The following DMBT1 variants were observed in gnomAD, a reference collection of about 807,000 sequenced individuals.
DMBT1 encodes deleted in malignant brain tumors 1, also known as scavenger receptor cysteine-rich domain-containing protein DMBT1.
In DMBT1, 198 loss-of-function variants were observed where a neutral mutation model predicts 252.9. The observed-to-expected ratio is 0.78, with a 90% CI of 0.70 to 0.88. The LOEUF (loss-of-function observed/expected upper bound fraction) is 0.88, where lower values mean the gene tolerates loss of function less well. Ranked by LOEUF, DMBT1 falls within the 40% of genes least tolerant of loss-of-function variation. The pLI is 0.00. For missense variants in DMBT1, 2,432 were observed against 2,404.7 expected (o/e 1.01, Z -0.24); for synonymous variants, 990 against 942.7 (o/e 1.05, Z -0.92).
chr10:122,563,391 T>C (rs529044639), intron 1 of DMBT1, among the ~76,000 whole-genome samples: 2 of 152,188 alleles, frequency 1.3e-5, no homozygotes, highest in Non-Finnish European at 1.5e-5. Flanking sequence ...CTAAAAGTAA[T>C]GTGAGCTCTT....
rs188569491 is a variant in DMBT1, at chr10:122,584,647, C to G, written c.1420+296C>G. The stretch of plus-strand genomic sequence containing the variant: ...ATATTTAAATAGCTTTGACCCTTTT[C>G]TATTCAGAGCTGATATGACCTTCCT... On this transcript the variant is annotated intron_variant, in intron 14 of 55. Transcript: ENST00000338354. 5.4e-5 allele frequency among the ~76,000 whole-genome samples: 8 copies of G among 149,168 alleles called. 1 individual carries two copies. In the East Asian group the frequency reaches 1.7e-3, roughly 31 times the overall value.
chr10:122,600,158 T>C (rs1441852262), intron 27 of DMBT1, 65 bp downstream of exon 27: 15 of 1,558,268 alleles, frequency 9.6e-6, no homozygotes, highest in Non-Finnish European at 1.3e-5. Context: ...CCTTCCACAC[T>C]CCACAGAGCT....
Position 122,592,635 on chromosome 10 carries a change from A to T in DMBT1, c.2500+40A>T, listed in dbSNP as rs768555410. ...CCTTGGGCTCCCTCTCCTAGACTGG[A>T]GTTTGCTCAGGAAGAAAATCCTAAT... On this transcript the variant is annotated intron_variant, in intron 20 of 55. Coordinates refer to ENST00000338354, the MANE Select transcript of DMBT1 (RefSeq NM_001377530.1). 5 of 1,585,940 alleles carry T rather than the reference A, an allele frequency of 3.2e-6. 1 individual carries two copies. The South Asian group carries it at 5.8e-5, about 18-fold the overall frequency.
intron 14 of DMBT1, among the ~76,000 whole-genome samples, chr10:122,584,786 T>C (rs7077395): frequency 0.031 from 4,673 of 148,978 alleles, 401 homozygotes; most frequent in East Asian, 0.14. Flanking sequence ...CCTCCCTTCC[T>C]CACTCCTTCC....
At chr10:122,627,618 G>A (rs1367172309) in intron 46 of DMBT1, among the ~76,000 whole-genome samples, 2 of 152,142 alleles carry the variant, frequency 1.3e-5, no homozygotes, top group Non-Finnish European at 2.9e-5. Flanking sequence ...ATATACAATA[G>A]CATATTTTAT....
chr10:122,624,043 C>T (rs1333253912), intron 44 of DMBT1, among the ~76,000 whole-genome samples: 1 of 152,164 alleles, frequency 6.6e-6, no homozygotes. Flanking sequence ...AGGAATAAGC[C>T]TCGGGCCTGA....
At chr10:122,566,384 T>C (rs1471641690) in intron 2 of DMBT1, among the ~76,000 whole-genome samples, 1 of 151,324 alleles carries the variant, frequency 6.6e-6, no homozygotes, top group Admixed American at 6.6e-5. Flanking sequence ...CAATCTCAGC[T>C]CACTGCAACC....
At position 122,598,031 on chromosome 10, in the gene DMBT1, C is replaced by T. The variant is rs1449667189; in HGVS notation, c.2956+19C>T. The T allele has an allele frequency of 6.2e-7, 1 of 1,613,850 alleles. No individual in the cohort carries two copies. The highest frequency in any genetic ancestry group is 8.5e-7 in the Non-Finnish European group (1 of 1,179,794). ...ACAGTAGGTAAATATTCCTCTCGCC[C>T]CTCCCTAGGGCTCACTCTCTACCTC... On this transcript the variant is annotated intron_variant, in intron 25 of 55. Coordinates refer to ENST00000338354, the MANE Select transcript of DMBT1 (RefSeq NM_001377530.1).
At chr10:122,590,727 C>G in intron 18 of DMBT1, 33 bp downstream of exon 18, 1 of 1,581,500 alleles carries the variant, frequency 6.3e-7, no homozygotes, top group South Asian at 1.2e-5. Flanking sequence ...TGGGATGTCC[C>G]TTTTCTTTCT....
In DMBT1 at chr10:122,621,162, G is replaced by T. The variant is rs764903103; in HGVS notation, c.5390G>T (p.Ser1797Ile). ...RGSWGTVCDD[S>I]WDTNDANVVC... Reference sequence around the variant, plus strand: ...TCCTGGGGAACCGTGTGTGATGACAGCTGGGACACCAATGATGCCAATGTG... The same window carrying T: ...TCCTGGGGAACCGTGTGTGATGACATCTGGGACACCAATGATGCCAATGTG... The change falls in exon 44 of 56, where the codon AGC (serine) becomes ATC (isoleucine). Residue 1797 changes from serine (S) to isoleucine (I), a missense_variant. Ser to Ile is a moderately radical substitution (Grantham distance 142). Transcript: ENST00000338354. 1 of 1,613,908 alleles carries T rather than the reference G, an allele frequency of 6.2e-7. No individual in the cohort carries two copies. Among genetic ancestry groups the T allele is most frequent in the Non-Finnish European group, 8.5e-7 (1 of 1,179,810 alleles).
chr10:122,634,344 C>CTT, intron 52 of DMBT1, among the ~76,000 whole-genome samples: 1 of 59,050 alleles, frequency 1.7e-5, no homozygotes, highest in South Asian at 6.7e-4. Context: ...AAGCACTTTT[C>CTT]TTTCTTTCTT....
chr10:122,599,254 C>T (rs74160004), intron 26 of DMBT1, among the ~76,000 whole-genome samples, 157 bp downstream of exon 26: 1,884 of 152,322 alleles, frequency 0.012, 42 homozygotes, highest in African/African-American at 0.042. Context: ...TATGTACTCA[C>T]TGCCTAGTGT....
In DMBT1 at chr10:122,619,286, CCTT is replaced by C. The variant is rs1565885531; in HGVS notation, c.5216-19_5216-17del. 6.2e-6 allele frequency: 10 copies of C among 1,613,908 alleles called. No individual in the cohort carries two copies. Among genetic ancestry groups the C allele is most frequent in the African/African-American group, 5.3e-5 (4 of 75,046 alleles). ...TTTCTGTATAGTGCATCTGATCTGA[CCTT>C]CTCTTCTCTTTCTCACAGCTGCTCA... On this transcript the variant is annotated intron_variant, in intron 41 of 55. Coordinates refer to ENST00000338354, the MANE Select transcript of DMBT1 (RefSeq NM_001377530.1).
rs755664364 is a variant in DMBT1 at position 122,591,479 on chromosome 10, A to G, written c.2138A>G (p.Asp713Gly). The change falls in exon 19 of 56, where the codon GAC becomes GGC. Residue 713 changes from aspartate to glycine, a missense_variant and splice_region_variant. Physicochemically the swap from Asp to Gly is moderately conservative, Grantham distance 94. Coordinates refer to ENST00000338354, the MANE Select transcript of DMBT1 (RefSeq NM_001377530.1). ...CCTTTGTCTTTGTTGCAATTTACAG[A>G]CACGTTGTCGACCATCACGTTACCT... is the stretch of plus-strand genomic sequence containing the variant. ...AAQSRSTPRP[D>G]TLSTITLPPS... 12 of 1,587,078 alleles carry G rather than the reference A, an allele frequency of 7.6e-6. 1 individual carries two copies. Among genetic ancestry groups the G allele is most frequent in the African/African-American group, 1.3e-5 (1 of 74,520 alleles).
rs753917841 is a variant in DMBT1, at chr10:122,643,221, C to A, written c.7452C>A (p.Ser2484=). The A allele has an allele frequency of 1.2e-6, 2 of 1,613,966 alleles. No individual in the cohort carries two copies. The highest frequency in any genetic ancestry group is 2.2e-5 in the South Asian group (2 of 91,084). ...TCCACTTCCTGAACCGCTTCCCCTCCGTGTACCTGCGTTGTAAAATGGTGG... is the reference window on the plus strand; with the variant it reads ...TCCACTTCCTGAACCGCTTCCCCTCAGTGTACCTGCGTTGTAAAATGGTGG... ...RAFHFLNRFP[S]VYLRCKMVVC... Residue 2484 remains serine, a synonymous_variant, in exon 56 of 56, where the codon TCC becomes TCA. Transcript: ENST00000338354.
intron 1 of DMBT1, among the ~76,000 whole-genome samples, chr10:122,561,148 T>C (rs1271145092): frequency 6.6e-6 from 1 of 152,218 alleles, no homozygotes; most frequent in Non-Finnish European, 1.5e-5. Context: ...TGTGTATTAT[T>C]AAGAGGCCCT....
At chr10:122,616,923 G>A (rs554607632) in intron 39 of DMBT1, among the ~76,000 whole-genome samples, 239 of 112,118 alleles carry the variant, frequency 2.1e-3, no homozygotes, top group South Asian at 0.011. Flanking sequence ...CTCAGCAATG[G>A]CATCTGATGT....
chr10:122,629,134 T>C (rs1003103821), intron 46 of DMBT1, among the ~76,000 whole-genome samples: 1 of 152,256 alleles, frequency 6.6e-6, no homozygotes, highest in Non-Finnish European at 1.5e-5. Flanking sequence ...GGTGCTTATG[T>C]GCCTGGCACT....
Position 122,633,172 on chromosome 10 carries a change from C to T in DMBT1, c.6398-19C>T. On this transcript the variant is annotated intron_variant, in intron 51 of 55. Transcript: ENST00000338354. ...TGTGCTCTGGGGGTCACCGACATTC[C>T]CACTTTTTGTCCTGACAGCAGATTA... 6.2e-7 allele frequency: 1 copy of T among 1,613,114 alleles called. No homozygotes were observed. Among genetic ancestry groups the T allele is most frequent in the Non-Finnish European group, 8.5e-7 (1 of 1,179,414 alleles).
Sources: allele counts gnomAD v4.1 joint callset (sites outside exome capture counted in the v4.1 genomes callset), GRCh38; gene constraint gnomAD v4.1.1; transcripts MANE v1.5; gene names NCBI Gene and HGNC (gene_info 2026-07-23, HGNC 2026-07-21).